ARHGAP26: variants seen among roughly 807,000 people sequenced by gnomAD.
ARHGAP26 encodes Rho GTPase activating protein 26, also known as rho GTPase-activating protein 26.
Under a neutral mutation model 104.8 loss-of-function variants are expected in ARHGAP26, and 38 were observed. The observed-to-expected ratio is 0.36, with a 90% CI of 0.28 to 0.48. ARHGAP26 has a LOEUF of 0.48. Among genes scored for constraint, ARHGAP26 ranks in the 20% least tolerant of loss-of-function variants. The pLI, the probability that ARHGAP26 is intolerant of heterozygous loss-of-function variation, is 0.99. For missense variants in ARHGAP26, 704 were observed against 947.9 expected, an observed-to-expected ratio of 0.74 and a Z score of 3.38; for synonymous variants, 341 against 340.0, an observed-to-expected ratio of 1.00 and a Z score of -0.03.
At chr5:142,805,219 C>T (rs1762780475) in intron 1 of ARHGAP26, among the ~76,000 whole-genome samples, 1 of 151,680 alleles carries the variant, frequency 6.6e-6, no homozygotes, top group African/African-American at 2.4e-5. Flanking sequence ...TCTCCTGCTT[C>T]AGCCTCCCAA....
At chr5:142,996,935 C>T (rs1027121855) in intron 11 of ARHGAP26, among the ~76,000 whole-genome samples, 8 of 152,120 alleles carry the variant, frequency 5.3e-5, no homozygotes, top group African/African-American at 1.9e-4. Flanking sequence ...ATGGAACTCT[C>T]ATAATGTACT....
chr5:142,846,998 G>T (rs897790433), intron 1 of ARHGAP26, among the ~76,000 whole-genome samples: 4 of 151,996 alleles, frequency 2.6e-5, no homozygotes, highest in Non-Finnish European at 5.9e-5. Flanking sequence ...TGAAAAAATG[G>T]GTAGCGGGGG....
At chr5:143,012,552 C>CATATATATATATATATATATGTATAT (rs1778957041) in intron 11 of ARHGAP26, among the ~76,000 whole-genome samples, 3 of 20,832 alleles carry the variant, frequency 1.4e-4, no homozygotes, top group Non-Finnish European at 4.1e-4. Context: ...TACATACATA[C>CATATATATATATATATATATGTATAT]ATATATATAT....
rs1252034976 is a variant in ARHGAP26 at position 142,955,427 on chromosome 5, T to C, written c.1107+23302T>C. On this transcript the variant is annotated intron_variant, in intron 11 of 22. Transcript: ENST00000645722. ...AGAAATTCCTGGTGATGTGCTGTGA[T>C]GGGCCTAGAGGACTGAATAGGAAAA... 2.0e-5 allele frequency among the ~76,000 whole-genome samples: 3 copies of C among 152,342 alleles called. No homozygotes were observed. The South Asian group carries it at 6.2e-4, about 32-fold the overall frequency.
chr5:143,123,130 A>T (rs919129893), intron 18 of ARHGAP26, among the ~76,000 whole-genome samples: 1 of 152,200 alleles, frequency 6.6e-6, no homozygotes, highest in African/African-American at 2.4e-5. Flanking sequence ...ACCAGTGTTC[A>T]TTCCCTTGTG....
chr5:143,218,168 G>A (rs1562633771), intron 22 of ARHGAP26, among the ~76,000 whole-genome samples: 1 of 152,232 alleles, frequency 6.6e-6, no homozygotes, highest in African/African-American at 2.4e-5. Context: ...TAAGGAGAGA[G>A]ACACTCTCAC....
At chr5:143,057,894 T>C (rs776814596) in intron 17 of ARHGAP26, 147 bp downstream of exon 17, 51 of 764,816 alleles carry the variant, frequency 6.7e-5, no homozygotes, top group Non-Finnish European at 1.1e-4. Context: ...GTGTGAAATG[T>C]TCATTGCAGT....
Position 142,890,136 on chromosome 5 carries a change from T to TAAAAAAA in ARHGAP26, c.487-4092_487-4086dup, listed in dbSNP as rs1162535877. On this transcript the variant is annotated intron_variant, in intron 5 of 22. Transcript: ENST00000645722. ...GGGTAACAAGAGCGAAACTCCGTCTTAAAAAAAAAAAAAAAATATATATAT... is the reference window on the plus strand; with the variant it reads ...GGGTAACAAGAGCGAAACTCCGTCTTAAAAAAAAAAAAAAAAAAAAAAATATATATAT... Among the ~76,000 whole-genome samples the TAAAAAAA allele has an allele frequency of 4.2e-3, 121 of 29,096 alleles. 8 individuals carry two copies. Among genetic ancestry groups the TAAAAAAA allele is most frequent in the African/African-American group, 6.8e-3 (38 of 5,562 alleles). 19.1% of individuals were successfully genotyped at this position (29,096 alleles called of 152,430 possible).
At chr5:143,143,284 C>T (rs1448843951) in intron 19 of ARHGAP26, among the ~76,000 whole-genome samples, 1 of 152,130 alleles carries the variant, frequency 6.6e-6, no homozygotes, top group Non-Finnish European at 1.5e-5. Flanking sequence ...CTTTCCTGGC[C>T]TCGCCTCTGG....
At chr5:142,949,207 GAGAGAGAGAGAGAGGAGA>G (rs1562136673) in intron 11 of ARHGAP26, among the ~76,000 whole-genome samples, 18 of 57,556 alleles carry the variant, frequency 3.1e-4, no homozygotes, top group South Asian at 2.4e-3. Context: ...GAGAGAGAGA[GAGAGAGAGAGAGAGGAGA>G]GAGAGAGGAG....
intron 11 of ARHGAP26, among the ~76,000 whole-genome samples, chr5:142,936,427 C>G (rs544326717): frequency 6.6e-6 from 1 of 152,208 alleles, no homozygotes; most frequent in Admixed American, 6.5e-5. Flanking sequence ...GAAAAATCAA[C>G]ATAGTAAAGA....
intron 11 of ARHGAP26, among the ~76,000 whole-genome samples, chr5:142,958,851 T>A (rs900020691): frequency 6.6e-6 from 1 of 150,682 alleles, no homozygotes; most frequent in African/African-American, 2.4e-5. Flanking sequence ...AGAGGATCAC[T>A]TGAAGCCAGG....
chr5:142,788,221 G>C (rs1280008749), intron 1 of ARHGAP26, among the ~76,000 whole-genome samples: 1 of 151,828 alleles, frequency 6.6e-6, no homozygotes, highest in Non-Finnish European at 1.5e-5. Context: ...GGCTGGTCTC[G>C]GACTCCTGAC....
chr5:142,902,060 G>A (rs781338090), intron 7 of ARHGAP26, 21 bp downstream of exon 7: 2 of 1,601,778 alleles, frequency 1.2e-6, no homozygotes, highest in Non-Finnish European at 1.7e-6. Flanking sequence ...ATAGGGACAG[G>A]CTTCTTTTAT....
intron 17 of ARHGAP26, among the ~76,000 whole-genome samples, chr5:143,104,513 A>AAAAAC (rs1202162308): frequency 2.0e-5 from 3 of 152,246 alleles, no homozygotes; most frequent in Admixed American, 1.3e-4. Flanking sequence ...CCTGTCTCAA[A>AAAAAC]AAAACAAAAC....
At chr5:142,886,767 C>A (rs1214610197) in intron 5 of ARHGAP26, among the ~76,000 whole-genome samples, 1 of 151,950 alleles carries the variant, frequency 6.6e-6, no homozygotes, top group East Asian at 1.9e-4. Context: ...GCTATCCCAA[C>A]TTGACATGAG....
At chr5:143,093,882 T>A (rs1791858109) in intron 17 of ARHGAP26, among the ~76,000 whole-genome samples, 2 of 152,236 alleles carry the variant, frequency 1.3e-5, no homozygotes, top group Non-Finnish European at 2.9e-5. Context: ...TGGGGATTTC[T>A]CACCTCTTTT....
chr5:143,195,551 CCTT>C (rs1051900355), intron 20 of ARHGAP26, among the ~76,000 whole-genome samples: 217 of 152,276 alleles, frequency 1.4e-3, no homozygotes, highest in African/African-American at 4.9e-3. Flanking sequence ...GAGACATCCT[CCTT>C]GACGTCCCCC....
intron 20 of ARHGAP26, among the ~76,000 whole-genome samples, chr5:143,206,730 T>G (rs1316633782): frequency 6.6e-6 from 1 of 152,164 alleles, no homozygotes; most frequent in African/African-American, 2.4e-5. Context: ...AACAGGAGAT[T>G]ATTTTCTCAC....
Sources: gnomAD v4.1 joint callset for allele counts (sites outside exome capture counted in the v4.1 genomes callset) on GRCh38, gnomAD v4.1.1 for gene constraint, MANE v1.5 for transcripts, NCBI Gene and HGNC (gene_info 2026-07-23, HGNC 2026-07-21) for gene names.